SEC16A: variants seen among roughly 807,000 people sequenced by gnomAD.
SEC16A encodes the protein protein transport protein Sec16A.
In SEC16A, 110 loss-of-function variants were observed where a neutral mutation model predicts 221.9. The observed-to-expected ratio is 0.50, with a 90% CI of 0.42 to 0.58. SEC16A has a LOEUF of 0.58. Among genes scored for constraint, SEC16A ranks in the 20% least tolerant of loss-of-function variants. The pLI is 0.00. For synonymous variants in SEC16A, 1,393 were observed against 1,257.7 expected, an observed-to-expected ratio of 1.11 and a Z score of -2.28; for missense variants, 3,165 against 3,097.8, an observed-to-expected ratio of 1.02 and a Z score of -0.52.
rs770021518 is a variant in SEC16A, at chr9:136,475,369, CACAT to C, written c.2243_2246del (p.Tyr748CysfsTer81). ...CAACAGGTGGCTGAGGTTTTGCACA[CACAT>C]AAAGCGCCGGGGCTGCAGGGGCCAG... On this transcript the variant is annotated frameshift_variant, in exon 3 of 32. Coordinates refer to ENST00000684901, the MANE Select transcript of SEC16A (RefSeq NM_014866.2). LOFTEE classifies it high-confidence loss of function. This position sits in a 1 kb window ranked among gnomAD's most constrained non-coding sequence, Gnocchi z 5.0. The C allele has an allele frequency of 6.2e-7, 1 of 1,609,272 alleles. No individual in the cohort carries two copies. Among genetic ancestry groups the C allele is most frequent in the Non-Finnish European group, 8.5e-7 (1 of 1,176,930 alleles).
chr9:136,474,301 C>G lies in SEC16A; in HGVS notation c.3315G>C (p.Leu1105=), dbSNP rs753030462. 2 of 1,610,448 alleles carry G rather than the reference C, an allele frequency of 1.2e-6. No homozygotes were observed. Among genetic ancestry groups the G allele is most frequent in the East Asian group, 4.5e-5 (2 of 44,790 alleles). The change falls in exon 3 of 32, where the codon CTG becomes CTC. Residue 1105 remains leucine (L), a synonymous_variant. Coordinates refer to ENST00000684901, the MANE Select transcript of SEC16A (RefSeq NM_014866.2). ...GGGGCAGCTGCTGACCCGCGTCGAC[C>G]AGAACCAGACTTGCTGGTGACTGTG... ...NSAQSPASLV[L]VDAGQQLPPR... is the part of the protein sequence containing the mutation.
At chr9:136,451,571 C>A (rs1464412956) in intron 22 of SEC16A, among the ~76,000 whole-genome samples, 163 bp from the exon 23 acceptor site, 2 of 152,134 alleles carry the variant, frequency 1.3e-5, no homozygotes, top group African/African-American at 4.8e-5. Flanking sequence ...GGAGAGCAGC[C>A]CCCTGACTGG....
Position 136,447,227 on chromosome 9 carries a change from C to G in SEC16A, c.6697G>C (p.Asp2233His). Residue 2233 changes from aspartate to histidine, a missense_variant and splice_region_variant, in exon 27 of 32, where the codon GAT (aspartate) becomes CAT (histidine). Asp to His is a moderately conservative substitution (Grantham distance 81, BLOSUM62 -1). Transcript: ENST00000684901. This position sits in a 1 kb window ranked among gnomAD's most constrained non-coding sequence, Gnocchi z 5.5. ...IPSNLFVPTP[D>H]AEEPQLPDGT... is the part of the protein sequence containing the mutation. ...AGGGGCTGGTGCTCGTGCTACCTAC[C>G]TGGGGTTGGCACGAACAAGTTAGAA... The G allele has an allele frequency of 6.3e-7, 1 of 1,592,160 alleles. No homozygotes were observed. Among genetic ancestry groups the G allele is most frequent in the Non-Finnish European group, 8.5e-7 (1 of 1,170,498 alleles).
At position 136,464,429 on chromosome 9, in the gene SEC16A, G is replaced by A. The variant is rs1199417479; in HGVS notation, c.4437C>T (p.His1479=). The A allele has an allele frequency of 1.9e-6, 3 of 1,610,434 alleles. No homozygotes were observed. Among genetic ancestry groups the A allele is most frequent in the Non-Finnish European group, 1.7e-6 (2 of 1,177,032 alleles). ...CTGCGTGTGCCATTACCTCCATGCTGTGGACCTCCACCAAGGCCGGCTGTC... is the reference window on the plus strand; with the variant it reads ...CTGCGTGTGCCATTACCTCCATGCTATGGACCTCCACCAAGGCCGGCTGTC... ...SEGQPALVEV[H]SMEALLQHTS... is the part of the protein sequence containing the mutation. Residue 1479 remains histidine, a synonymous_variant, in exon 9 of 32, where the codon CAC becomes CAT. Coordinates refer to ENST00000684901, the MANE Select transcript of SEC16A (RefSeq NM_014866.2).
rs1327608149 is a variant in SEC16A, at chr9:136,475,636, C to T, written c.1980G>A (p.Glu660=). 2 of 1,613,674 alleles carry T rather than the reference C, an allele frequency of 1.2e-6. No homozygotes were observed. The highest frequency in any genetic ancestry group is 1.7e-6 in the Non-Finnish European group (2 of 1,179,888). Residue 660 remains glutamate, a synonymous_variant, in exon 3 of 32, where the codon GAG becomes GAA. Transcript: ENST00000684901. This position sits in a 1 kb window ranked among gnomAD's most constrained non-coding sequence, Gnocchi z 5.0. Reference sequence around the variant, plus strand: ...GGGTCTCCATGTTGTCTGGTGGCTGCTCCAGGTTGCCAGGGGAAGCATCGG... The same window carrying T: ...GGGTCTCCATGTTGTCTGGTGGCTGTTCCAGGTTGCCAGGGGAAGCATCGG... ...ALPDASPGNL[E]QPPDNMETLC...
At chr9:136,462,706 TC>T (rs1839655672) in intron 12 of SEC16A, among the ~76,000 whole-genome samples, 180 bp downstream of exon 12, 1 of 152,070 alleles carries the variant, frequency 6.6e-6, no homozygotes, top group African/African-American at 2.4e-5. Context: ...CATTAACACC[TC>T]CAGAAGGATG....
At chr9:136,445,568 T>TAAAGG in intron 29 of SEC16A, 77 bp downstream of exon 29, 1 of 1,117,198 alleles carries the variant, frequency 9.0e-7, no homozygotes, top group Non-Finnish European at 1.3e-6. Context: ...CGCCCCTCCA[T>TAAAGG]AAAGGAAGAG....
At position 136,441,278 on chromosome 9, in the gene SEC16A, C is replaced by G. The variant is rs932060760; in HGVS notation, c.*477G>C. 1.1e-5 allele frequency: 2 copies of G among 182,242 alleles called. No homozygotes were observed. Among genetic ancestry groups the G allele is most frequent in the Non-Finnish European group, 2.4e-5 (2 of 84,496 alleles). The allele number at this position is 182,242 out of a possible 1,614,324, so 11.3% of individuals were successfully genotyped here. A position where few individuals can be genotyped will look rare whatever the true frequency, so the allele number is the denominator to read the frequency against. On this transcript the variant is annotated 3_prime_UTR_variant, in exon 32 of 32. Coordinates refer to ENST00000684901, the MANE Select transcript of SEC16A (RefSeq NM_014866.2). ...CGGCGAGGGCCCAGATGGTGCAGAG[C>G]AGGGGTTGGGGTCTGCCTCAGTCAC...
chr9:136,463,817 G>A, intron 9 of SEC16A, 77 bp from the exon 10 acceptor site: 1 of 1,509,896 alleles, frequency 6.6e-7, no homozygotes. Context: ...CCCAGGCACG[G>A]ATGCTGCCCG....
Position 136,441,802 on chromosome 9 carries a change from A to G in SEC16A, c.7027T>C (p.Ser2343Pro). Residue 2343 changes from serine to proline, a missense_variant, in exon 32 of 32, where the codon TCA becomes CCA. Ser to Pro is a moderately conservative substitution (Grantham distance 74, BLOSUM62 -1). This residue lies in a region of SEC16A where 1,088 missense variants were observed against 1,089.6 expected (regional missense o/e 1.00). Coordinates refer to ENST00000684901, the MANE Select transcript of SEC16A (RefSeq NM_014866.2). The stretch of plus-strand genomic sequence containing the variant: ...CTCTGGCCAATCCTCCCTAGCCTTG[A>G]GCTCCCGGAGGTGGCGCAGGCCTGG... ...LAQACATSGS[S>P]RLGRIGQRKH... 5 of 1,613,206 alleles carry G rather than the reference A, an allele frequency of 3.1e-6. No homozygotes were observed. Among genetic ancestry groups the G allele is most frequent in the Non-Finnish European group, 4.2e-6 (5 of 1,179,788 alleles).
rs577266141 is a variant in SEC16A, at chr9:136,472,040, G to A, written c.3639C>T (p.Tyr1213=). Reference sequence around the variant, plus strand: ...TGGGCCGCTCGGGCTCGGGATAGCGGTAGTTCTGGGCGTAAGCAGACGCAG... The same window carrying A: ...TGGGCCGCTCGGGCTCGGGATAGCGATAGTTCTGGGCGTAAGCAGACGCAG... The part of the protein sequence containing the change: ...DGAASAYAQN[Y]RYPEPERPSS... The change falls in exon 4 of 32, where the codon TAC becomes TAT. Residue 1213 remains tyrosine, a synonymous_variant. Coordinates refer to ENST00000684901, the MANE Select transcript of SEC16A (RefSeq NM_014866.2). 1 of 1,613,100 alleles carries A rather than the reference G, an allele frequency of 6.2e-7. No homozygotes were observed. The highest frequency in any genetic ancestry group is 2.2e-5 in the East Asian group (1 of 44,886).
At chr9:136,465,391 C>T (rs1410408187) in intron 8 of SEC16A, among the ~76,000 whole-genome samples, 1 of 150,178 alleles carries the variant, frequency 6.7e-6, no homozygotes, top group Non-Finnish European at 1.5e-5. Flanking sequence ...GCAGAAGTTG[C>T]AGTGAGCCAA....
At position 136,472,031 on chromosome 9, in the gene SEC16A, G is replaced by A. The variant is rs760923626; in HGVS notation, c.3648C>T (p.Pro1216=). The A allele has an allele frequency of 5.0e-6, 8 of 1,612,566 alleles. No homozygotes were observed. The highest frequency in any genetic ancestry group is 3.3e-4 in the Middle Eastern group (2 of 6,062). ...ASAYAQNYRY[P]EPERPSSRAS... ...CTCGGGAGCTGGGCCGCTCGGGCTCGGGATAGCGGTAGTTCTGGGCGTAAG... is the reference window on the plus strand; with the variant it reads ...CTCGGGAGCTGGGCCGCTCGGGCTCAGGATAGCGGTAGTTCTGGGCGTAAG... The change falls in exon 4 of 32, where the codon CCC becomes CCT. Residue 1216 remains proline (P), a synonymous_variant. Transcript: ENST00000684901.
At chr9:136,464,813 C>T (rs1482116284) in intron 8 of SEC16A, among the ~76,000 whole-genome samples, 1 of 152,240 alleles carries the variant, frequency 6.6e-6, no homozygotes, top group African/African-American at 2.4e-5. Context: ...TCCCGCAACA[C>T]CCTCATGAGC....
chr9:136,446,972 G>A (rs377729754), intron 27 of SEC16A, 23 bp from the exon 28 acceptor site: 1 of 1,613,344 alleles, frequency 6.2e-7, no homozygotes, highest in African/African-American at 1.3e-5. Flanking sequence ...GAGCGAGGAG[G>A]CCATCATTCC....
chr9:136,480,382 G>C lies in SEC16A; in HGVS notation c.-191-1552C>G, dbSNP rs553504149. On this transcript the variant is annotated intron_variant, in intron 1 of 31. Transcript: ENST00000684901. ...AAAGCTTTTGTTTGCTTTAAACACA[G>C]AGCACGGGCCTAGAGGTTTATTCCT... 2.6e-3 allele frequency among the ~76,000 whole-genome samples: 397 copies of C among 152,340 alleles called. 1 individual carries two copies. The highest frequency in any genetic ancestry group is 4.2e-3 in the Non-Finnish European group (287 of 68,028).
At position 136,474,230 on chromosome 9, in the gene SEC16A, G is replaced by A. The variant is rs1473317605; in HGVS notation, c.3386C>T (p.Ser1129Phe). 1.2e-6 allele frequency: 2 copies of A among 1,610,122 alleles called. No individual in the cohort carries two copies. The highest frequency in any genetic ancestry group is 3.4e-5 in the Admixed American group (2 of 59,348). Reference sequence around the variant, plus strand: ...CTCTGACGGCACAGCTGCCTGGCCGGAGCCACTGGACACCAGAGACACGCT... The same window carrying A: ...CTCTGACGGCACAGCTGCCTGGCCGAAGCCACTGGACACCAGAGACACGCT... ...SSSVSLVSSG[S>F]GQAAVPSEQP... Residue 1129 changes from serine (S) to phenylalanine (F), a missense_variant, in exon 3 of 32, where the codon TCC (serine) becomes TTC (phenylalanine). Ser to Phe is a radical substitution (Grantham distance 155). Transcript: ENST00000684901.
rs1488184981 is a variant in SEC16A, at chr9:136,440,579, T to TA, written c.*1175dup. The stretch of plus-strand genomic sequence containing the variant: ...TCAGTCTCTTTAGACTTGACAAGAA[T>TA]ACGAAGAGTTTCAGAACAGTCAGAG... On this transcript the variant is annotated 3_prime_UTR_variant, in exon 32 of 32. Transcript: ENST00000684901. The TA allele has an allele frequency of 6.6e-6, 1 of 152,666 alleles. No individual in the cohort carries two copies. Among genetic ancestry groups the TA allele is most frequent in the African/African-American group, 2.4e-5 (1 of 41,444 alleles). The allele number at this position is 152,666 out of a possible 1,614,324, so 9.5% of individuals were successfully genotyped here.
chr9:136,459,306 G>A lies in SEC16A; in HGVS notation c.5304-67C>T. ...AATTATTGGCATAGTCAACCTTGGA[G>A]CAAATCATCCAGAAGTGTGTCCCAC... On this transcript the variant is annotated intron_variant, in intron 16 of 31. Transcript: ENST00000684901. The surrounding 1 kb of genome is among the most constrained non-coding windows in gnomAD (Gnocchi z 6.1). The A allele has an allele frequency of 6.6e-7, 1 of 1,508,258 alleles. No individual in the cohort carries two copies. The highest frequency in any genetic ancestry group is 9.2e-7 in the Non-Finnish European group (1 of 1,088,764). 93.4% of individuals were successfully genotyped at this position (1,508,258 alleles called of 1,614,324 possible).
Sources: gnomAD v4.1 joint callset for allele counts (sites outside exome capture counted in the v4.1 genomes callset) on GRCh38, gnomAD v4.1.1 for gene constraint, gnomAD v4.1.1 regional missense constraint, Gnocchi (gnomAD v3.1) non-coding constraint, MANE v1.5 for transcripts, NCBI Gene and HGNC (gene_info 2026-07-23, HGNC 2026-07-21) for gene names.